PPP3CA: variants seen among roughly 807,000 people sequenced by gnomAD.
The protein encoded by PPP3CA is protein phosphatase 3 catalytic subunit alpha.
Under a neutral mutation model 66.5 loss-of-function variants are expected in PPP3CA, and 14 were observed. The observed-to-expected ratio is 0.21, with a 90% confidence interval of 0.14 to 0.33. The LOEUF (loss-of-function observed/expected upper bound fraction) is 0.33. Among genes scored for constraint, PPP3CA ranks in the 10% least tolerant of loss-of-function variants. The pLI, the probability that PPP3CA is intolerant of heterozygous loss-of-function variation, is 1.00. For synonymous variants in PPP3CA, 232 were observed against 226.2 expected (o/e 1.03, Z -0.23); for missense variants, 317 against 639.5 (o/e 0.50, Z 5.44).
intron 2 of PPP3CA, among the ~76,000 whole-genome samples, chr4:101,190,917 T>C (rs1724580497): frequency 6.6e-6 from 1 of 152,194 alleles, no homozygotes; most frequent in South Asian, 2.1e-4. Flanking sequence ...TTTTCTTCAG[T>C]AATGAGCAGG....
intron 1 of PPP3CA, among the ~76,000 whole-genome samples, chr4:101,264,915 A>G (rs763392686): frequency 1.3e-5 from 2 of 152,212 alleles, no homozygotes; most frequent in Non-Finnish European, 2.9e-5. Flanking sequence ...TGAATCCCCT[A>G]TGATGGAAAC....
chr4:101,062,490 T>C (rs139208498), intron 9 of PPP3CA, among the ~76,000 whole-genome samples: 75 of 152,102 alleles, frequency 4.9e-4, no homozygotes, highest in African/African-American at 1.7e-3. Flanking sequence ...CCATTCACCT[T>C]CTCATGGAAA....
At chr4:101,278,122 T>TAAAAAA (rs3077992) in intron 1 of PPP3CA, among the ~76,000 whole-genome samples, 10,116 of 109,728 alleles carry the variant, frequency 0.092, 467 homozygotes, top group East Asian at 0.23. Context: ...AAGCTATTAG[T>TAAAAAA]AAAAAAAAAA....
At chr4:101,193,507 C>T (rs1343324613) in intron 2 of PPP3CA, among the ~76,000 whole-genome samples, 1 of 152,026 alleles carries the variant, frequency 6.6e-6, no homozygotes, top group African/African-American at 2.4e-5. Context: ...GCCTCATGGC[C>T]CCCTTGTCTG....
chr4:101,251,483 A>G (rs985722948), intron 1 of PPP3CA, among the ~76,000 whole-genome samples: 5 of 152,086 alleles, frequency 3.3e-5, no homozygotes, highest in African/African-American at 1.2e-4. Context: ...GACAAAAATT[A>G]AGTTGGATCC....
intron 6 of PPP3CA, among the ~76,000 whole-genome samples, chr4:101,091,059 T>G (rs1035779837): frequency 2.0e-5 from 3 of 152,098 alleles, no homozygotes; most frequent in Admixed American, 6.5e-5. Context: ...AGTATGGGAC[T>G]CTGCTTAGAA....
Position 101,346,801 on chromosome 4 carries a change from A to G in PPP3CA, c.-5T>C. On this transcript the variant is annotated 5_prime_UTR_variant, in exon 1 of 14. Coordinates refer to ENST00000394854, the MANE Select transcript of PPP3CA (RefSeq NM_000944.5). Reference sequence around the variant, plus strand: ...AATTGCCTTGGGCTCGGACATCTCCAGCTGCCGGAGGACAGCGACGCGCTG... The same window carrying G: ...AATTGCCTTGGGCTCGGACATCTCCGGCTGCCGGAGGACAGCGACGCGCTG... The G allele has an allele frequency of 6.2e-7, 1 of 1,610,142 alleles. No homozygotes were observed. Among genetic ancestry groups the G allele is most frequent in the Non-Finnish European group, 8.5e-7 (1 of 1,178,634 alleles).
At chr4:101,303,869 T>C (rs1258710745) in intron 1 of PPP3CA, among the ~76,000 whole-genome samples, 2 of 152,212 alleles carry the variant, frequency 1.3e-5, no homozygotes, top group Non-Finnish European at 2.9e-5. Context: ...ACTGTTTTTG[T>C]TTGTATTATC....
Position 101,109,096 on chromosome 4 carries a change from C to G in PPP3CA, c.260-18G>C, listed in dbSNP as rs746097016. On this transcript the variant is annotated intron_variant, in intron 2 of 13. Transcript: ENST00000394854. ...CCCACAAACTGAAAGAAACAAAATT[C>G]ATTTTATGGTCATATTATGTTAGGA... 2 of 1,608,686 alleles carry G rather than the reference C, an allele frequency of 1.2e-6. No individual in the cohort carries two copies. The highest frequency in any genetic ancestry group is 1.7e-6 in the Non-Finnish European group (2 of 1,175,798).
chr4:101,342,633 A>G (rs968222), intron 1 of PPP3CA, among the ~76,000 whole-genome samples: 1 of 152,148 alleles, frequency 6.6e-6, no homozygotes, highest in East Asian at 1.9e-4. Flanking sequence ...GTGTTTTTTC[A>G]CAATAAATTT....
At chr4:101,029,420 C>T (rs965163503) in intron 12 of PPP3CA, among the ~76,000 whole-genome samples, 6 of 145,402 alleles carry the variant, frequency 4.1e-5, no homozygotes, top group Non-Finnish European at 7.5e-5. Flanking sequence ...GAGCTGGGTA[C>T]GCCTATCTGA....
intron 2 of PPP3CA, among the ~76,000 whole-genome samples, chr4:101,194,429 ACTATT>A (rs761551019): frequency 1.0e-3 from 153 of 152,194 alleles, no homozygotes; most frequent in Non-Finnish European, 1.4e-3. Context: ...CAAAAAGAAC[ACTATT>A]CTATGTCTAA....
intron 1 of PPP3CA, among the ~76,000 whole-genome samples, chr4:101,331,164 C>G (rs1729373432): frequency 6.6e-6 from 1 of 152,112 alleles, no homozygotes; most frequent in Non-Finnish European, 1.5e-5. Flanking sequence ...TCATCTTGCC[C>G]TGAAGTTAGT....
intron 2 of PPP3CA, among the ~76,000 whole-genome samples, chr4:101,166,282 C>T (rs1723691425): frequency 6.6e-6 from 1 of 152,146 alleles, no homozygotes; most frequent in African/African-American, 2.4e-5. Flanking sequence ...GTACACAATT[C>T]TTTGGTGTCT....
At chr4:101,049,141 C>A (rs1727901071) in intron 10 of PPP3CA, among the ~76,000 whole-genome samples, 1 of 152,138 alleles carries the variant, frequency 6.6e-6, no homozygotes, top group Non-Finnish European at 1.5e-5. Flanking sequence ...ACTTTCACTT[C>A]CAAACTCTAA....
At chr4:101,037,074 G>A (rs1727286416) in intron 11 of PPP3CA, among the ~76,000 whole-genome samples, 1 of 152,126 alleles carries the variant, frequency 6.6e-6, no homozygotes, top group South Asian at 2.1e-4. Flanking sequence ...CTCTGTAGCT[G>A]GGAAGGGTAA....
chr4:101,345,434 G>A (rs894059154), intron 1 of PPP3CA, among the ~76,000 whole-genome samples: 3 of 152,136 alleles, frequency 2.0e-5, no homozygotes, highest in Admixed American at 6.5e-5. Flanking sequence ...CTAGTTGCAT[G>A]CTCTGGCCAC....
At chr4:101,304,852 G>C (rs1269757445) in intron 1 of PPP3CA, among the ~76,000 whole-genome samples, 1 of 152,094 alleles carries the variant, frequency 6.6e-6, no homozygotes, top group East Asian at 1.9e-4. Flanking sequence ...TCTAATAAAT[G>C]TTCCTTATTT....
rs1034987988 is a variant in PPP3CA, at chr4:101,094,826, C to A, written c.643-911G>T. Among the ~76,000 whole-genome samples the A allele has an allele frequency of 3.9e-4, 59 of 152,094 alleles. 1 individual carries two copies. Among genetic ancestry groups the A allele is most frequent in the Admixed American group, 3.9e-3 (59 of 15,266 alleles). On this transcript the variant is annotated intron_variant, in intron 5 of 13. Coordinates refer to ENST00000394854, the MANE Select transcript of PPP3CA (RefSeq NM_000944.5). ...CCTGATTTAACTGCAATTAAAGGAT[C>A]TTTGGTGAATCAGCAGATATTATAA...
Sources: gnomAD v4.1 joint callset for allele counts (sites outside exome capture counted in the v4.1 genomes callset) on GRCh38, gnomAD v4.1.1 for gene constraint, MANE v1.5 for transcripts, NCBI Gene and HGNC (gene_info 2026-07-23, HGNC 2026-07-21) for gene names.